The following PHF3 variants were observed in gnomAD, a reference collection of about 807,000 sequenced individuals.
The protein encoded by PHF3 is PHD finger protein 3.
A neutral mutation model predicts 178.4 loss-of-function variants in PHF3; 41 were observed. The ratio of observed to expected loss-of-function variants is 0.23; its 90% CI spans 0.18 to 0.30. The LOEUF (loss-of-function observed/expected upper bound fraction) is 0.30. Among genes scored for constraint, PHF3 ranks in the 10% least tolerant of loss-of-function variants. The probability of loss-of-function intolerance (pLI) is 1.00; values close to 1 mark genes in which losing one functional copy is unlikely to be tolerated. For synonymous variants in PHF3, 842 were observed against 800.5 expected (o/e 1.05, Z -0.88); for missense variants, 2,346 against 2,398.1 (o/e 0.98, Z 0.45).
rs764261229 is a variant in PHF3, at chr6:63,698,269, A to T, written c.2727A>T (p.Gly909=). ...QEMKKKKVEK[G]VLNVHPAASA... ...TGAAAAAGAAGAAAGTTGAAAAAGG[A>T]GTGCTTAATGTACATCCTGCTGCTT... is the stretch of plus-strand genomic sequence containing the variant. Residue 909 remains glycine, a synonymous_variant, in exon 7 of 16, where the codon GGA becomes GGT. Coordinates refer to ENST00000262043, the MANE Select transcript of PHF3 (RefSeq NM_001370348.2). The T allele has an allele frequency of 1.2e-5, 19 of 1,612,460 alleles. No homozygotes were observed. The South Asian group carries it at 1.7e-4, about 14-fold the overall frequency.
intron 14 of PHF3, among the ~76,000 whole-genome samples, chr6:63,709,726 A>G (rs1180682462): frequency 6.6e-6 from 1 of 152,238 alleles, no homozygotes; most frequent in Admixed American, 6.5e-5. Flanking sequence ...CTTCCATTGG[A>G]AAGAACCTAG....
Position 63,668,914 on chromosome 6 carries a change from A to G in PHF3, c.245-11086A>G, listed in dbSNP as rs185134296. Among the ~76,000 whole-genome samples the G allele has an allele frequency of 3.9e-4, 60 of 152,312 alleles. 1 individual carries two copies. The highest frequency in any genetic ancestry group is 1.4e-3 in the African/African-American group (57 of 41,572). The stretch of plus-strand genomic sequence containing the variant: ...TTCCTCTGTTACGTGTATAATTACA[A>G]TCAATTTCAGTATAAGATTTCTTGA... On this transcript the variant is annotated intron_variant, in intron 2 of 15. Coordinates refer to ENST00000262043, the MANE Select transcript of PHF3 (RefSeq NM_001370348.2).
intron 13 of PHF3, among the ~76,000 whole-genome samples, chr6:63,707,579 A>G (rs1399035710): frequency 6.6e-6 from 1 of 152,220 alleles, no homozygotes; most frequent in Non-Finnish European, 1.5e-5. Flanking sequence ...CAGTACATAT[A>G]TACTGTATTT....
Position 63,720,917 on chromosome 6 carries a change from T to A in PHF3, c.*7209T>A, listed in dbSNP as rs1307237555. 5.8e-6 allele frequency: 9 copies of A among 1,551,130 alleles called. No homozygotes were observed. Among genetic ancestry groups the A allele is most frequent in the African/African-American group, 1.4e-5 (1 of 73,038 alleles). The stretch of plus-strand genomic sequence containing the variant: ...CATGGTGCCATTTATTACAACAGAA[T>A]GTGCCATTGTTATAGCTCATAGGCA... On this transcript the variant is annotated 3_prime_UTR_variant, in exon 16 of 16. Coordinates refer to ENST00000262043, the MANE Select transcript of PHF3 (RefSeq NM_001370348.2).
chr6:63,698,191 A>T, intron 6 of PHF3, 32 bp from the exon 7 acceptor site: 3 of 1,538,098 alleles, frequency 2.0e-6, no homozygotes, highest in Non-Finnish European at 2.7e-6. Context: ...TTTAAAAGCA[A>T]TGTAATGAGT....
intron 1 of PHF3, among the ~76,000 whole-genome samples, chr6:63,642,272 C>T (rs115323295): frequency 0.012 from 1,786 of 152,306 alleles, 30 homozygotes; most frequent in African/African-American, 0.041. Flanking sequence ...GCTTACACAT[C>T]ATCACCTGCC....
At chr6:63,671,772 A>G (rs1334146821) in intron 2 of PHF3, among the ~76,000 whole-genome samples, 2 of 152,142 alleles carry the variant, frequency 1.3e-5, no homozygotes, top group Non-Finnish European at 2.9e-5. Flanking sequence ...TTTGAGACGG[A>G]GTCGTCCTCT....
chr6:63,635,828 T>A lies in PHF3; in HGVS notation c.-348T>A. ...GTGGGGTCACGTGACACGGCCCCTCTCCAGCTCCCGCGCCGCCGCCGCACG... is the reference window on the plus strand; with the variant it reads ...GTGGGGTCACGTGACACGGCCCCTCACCAGCTCCCGCGCCGCCGCCGCACG... On this transcript the variant is annotated 5_prime_UTR_variant, in exon 1 of 16. Coordinates refer to ENST00000262043, the MANE Select transcript of PHF3 (RefSeq NM_001370348.2). 1 of 395,568 alleles carries A rather than the reference T, an allele frequency of 2.5e-6. No individual in the cohort carries two copies. The allele number at this position is 395,568 out of a possible 1,614,324, so 24.5% of individuals were successfully genotyped here. A position where few individuals can be genotyped will look rare whatever the true frequency, so the allele number is the denominator to read the frequency against.
intron 2 of PHF3, among the ~76,000 whole-genome samples, chr6:63,662,119 G>A (rs1382545372): frequency 6.6e-6 from 1 of 152,130 alleles, no homozygotes; most frequent in East Asian, 1.9e-4. Flanking sequence ...AGAATCTGAT[G>A]TGTGATGATC....
Position 63,711,659 on chromosome 6 carries a change from C to G in PHF3, c.4071C>G (p.Ala1357=). 1 of 1,612,648 alleles carries G rather than the reference C, an allele frequency of 6.2e-7. No individual in the cohort carries two copies. The highest frequency in any genetic ancestry group is 8.5e-7 in the Non-Finnish European group (1 of 1,179,622). The change falls in exon 16 of 16, where the codon GCC becomes GCG. Residue 1357 remains alanine (A), a synonymous_variant. Coordinates refer to ENST00000262043, the MANE Select transcript of PHF3 (RefSeq NM_001370348.2). ...IRQKLKRQHS[A]CASTSHIAET... The stretch of plus-strand genomic sequence containing the variant: ...AGAAACTGAAGCGACAGCACAGTGC[C>G]TGTGCTAGTACTAGTCATATAGCTG...
At chr6:63,654,703 C>T (rs939441397) in intron 2 of PHF3, among the ~76,000 whole-genome samples, 2 of 151,864 alleles carry the variant, frequency 1.3e-5, no homozygotes, top group Admixed American at 1.3e-4. Context: ...GACCTAGGTC[C>T]CTTAGGCAGC....
intron 12 of PHF3, 128 bp downstream of exon 12, chr6:63,706,352 CTGTACTTTGA>C: frequency 1.5e-6 from 1 of 672,322 alleles, no homozygotes; most frequent in Non-Finnish European, 2.4e-6. Flanking sequence ...CTGTACTTTC[CTGTACTTTGA>C]GATAAAACAA....
intron 9 of PHF3, 53 bp downstream of exon 9, chr6:63,700,519 C>A: frequency 1.0e-6 from 1 of 986,118 alleles, no homozygotes; most frequent in South Asian, 1.4e-5. Context: ...GTTTTTCAGC[C>A]ATTGGGTAAA....
Position 63,716,969 on chromosome 6 carries a change from A to G in PHF3, c.*3261A>G, listed in dbSNP as rs943504166. Among the ~76,000 whole-genome samples, 5 of 152,030 alleles carry G rather than the reference A, an allele frequency of 3.3e-5. No individual in the cohort carries two copies. The highest frequency in any genetic ancestry group is 1.2e-4 in the African/African-American group (5 of 41,416). On this transcript the variant is annotated 3_prime_UTR_variant, in exon 16 of 16. Coordinates refer to ENST00000262043, the MANE Select transcript of PHF3 (RefSeq NM_001370348.2). ...ACCTAACATATTTACAGGTGTTCCA[A>G]GGATTGGGGTGTAGACATCTTTTGG...
Position 63,721,084 on chromosome 6 carries a change from A to T in PHF3, c.*7376A>T. The T allele has an allele frequency of 6.4e-7, 1 of 1,551,344 alleles. No individual in the cohort carries two copies. Among genetic ancestry groups the T allele is most frequent in the East Asian group, 2.4e-5 (1 of 40,914 alleles). ...GTTTTAGTGGTACTGAAATTTAAGG[A>T]TATAGTAGTGAACTGGAGGTTTCTC... is the stretch of plus-strand genomic sequence containing the variant. On this transcript the variant is annotated 3_prime_UTR_variant, in exon 16 of 16. Coordinates refer to ENST00000262043, the MANE Select transcript of PHF3 (RefSeq NM_001370348.2).
intron 4 of PHF3, among the ~76,000 whole-genome samples, chr6:63,689,467 C>A (rs1300424999): frequency 6.6e-6 from 1 of 152,088 alleles, no homozygotes; most frequent in African/African-American, 2.4e-5. Flanking sequence ...ACAAATGATT[C>A]TATTTTTCTC....
intron 8 of PHF3, 51 bp from the exon 9 acceptor site, chr6:63,700,299 C>T (rs1304187725): frequency 6.5e-6 from 5 of 767,542 alleles, no homozygotes; most frequent in African/African-American, 3.5e-5. Flanking sequence ...TGTGTAGTAG[C>T]CACTCAAAAT....
At chr6:63,688,127 A>C (rs1231595789) in intron 4 of PHF3, among the ~76,000 whole-genome samples, 1 of 142,542 alleles carries the variant, frequency 7.0e-6, no homozygotes, top group African/African-American at 2.6e-5. Context: ...CGGAGCTTGC[A>C]GTGAGCCGAG....
chr6:63,650,612 A>G (rs911002154), intron 2 of PHF3, among the ~76,000 whole-genome samples: 15 of 152,206 alleles, frequency 9.9e-5, no homozygotes, highest in Non-Finnish European at 1.8e-4. Flanking sequence ...AACTATCAGT[A>G]ATAGTGTGAT....
Sources: gnomAD v4.1 joint callset for allele counts (sites outside exome capture counted in the v4.1 genomes callset) on GRCh38, gnomAD v4.1.1 for gene constraint, MANE v1.5 for transcripts, NCBI Gene and HGNC (gene_info 2026-07-23, HGNC 2026-07-21) for gene names.